Variants in FNDC3B observed in about 807,000 individuals in gnomAD.
FNDC3B encodes fibronectin type III domain-containing protein 3B.
In FNDC3B, 12 loss-of-function variants were observed where a neutral mutation model predicts 151.5. The ratio of observed to expected loss-of-function variants is 0.08; its 90% CI spans 0.05 to 0.13. The LOEUF (loss-of-function observed/expected upper bound fraction) is 0.13, where lower values mean the gene tolerates loss of function less well. Ranked by LOEUF, FNDC3B falls within the 10% of genes least tolerant of loss-of-function variation. The pLI is 1.00. For missense variants in FNDC3B, 1,214 were observed against 1,505.3 expected, an observed-to-expected ratio of 0.81 and a Z score of 3.20; for synonymous variants, 528 against 549.0, an observed-to-expected ratio of 0.96 and a Z score of 0.54.
intron 11 of FNDC3B, among the ~76,000 whole-genome samples, chr3:172,317,665 G>A (rs747891210): frequency 2.0e-5 from 3 of 152,316 alleles, no homozygotes; most frequent in East Asian, 1.9e-4. Flanking sequence ...GACAACAGCC[G>A]ATTCAGTGTA....
At position 172,295,363 on chromosome 3, in the gene FNDC3B, G is replaced by A; in HGVS notation, c.850G>A (p.Val284Ile). The change falls in exon 8 of 26, where the codon GTT becomes ATT. Residue 284 changes from valine (V) to isoleucine (I), a missense_variant and splice_region_variant. Physicochemically the swap from Val to Ile is conservative, Grantham distance 29 (BLOSUM62 3). Transcript: ENST00000415807. ...TTTGTCCCATGTTTTTCTTCCTCAG[G>A]TTTCTAATATTCAGGCAAGAGCAGT... ...DILSGIEKPQ[V>I]SNIQARAVVL... The A allele has an allele frequency of 6.2e-7, 1 of 1,600,814 alleles. No homozygotes were observed. The highest frequency in any genetic ancestry group is 8.5e-7 in the Non-Finnish European group (1 of 1,176,288).
chr3:172,131,048 T>TA (rs1310632972), intron 2 of FNDC3B, among the ~76,000 whole-genome samples: 1 of 152,202 alleles, frequency 6.6e-6, no homozygotes, highest in Non-Finnish European at 1.5e-5. Context: ...TATATTTATG[T>TA]AAAAATAAAT....
chr3:172,316,888 C>G (rs2108263949), intron 11 of FNDC3B, among the ~76,000 whole-genome samples: 3 of 152,364 alleles, frequency 2.0e-5, no homozygotes, highest in Admixed American at 2.0e-4. Flanking sequence ...AGATGTATTT[C>G]TTACAGTTCT....
intron 24 of FNDC3B, among the ~76,000 whole-genome samples, chr3:172,378,943 A>G (rs1735294801): frequency 6.6e-6 from 1 of 152,158 alleles, no homozygotes; most frequent in Non-Finnish European, 1.5e-5. Flanking sequence ...AAGGATGACT[A>G]CTTTCCTACT....
At chr3:172,396,708 G>A (rs572337638) in intron 25 of FNDC3B, among the ~76,000 whole-genome samples, 1 of 152,266 alleles carries the variant, frequency 6.6e-6, no homozygotes, top group East Asian at 1.9e-4. Flanking sequence ...GTGTATACGA[G>A]GGATCTAGGT....
intron 6 of FNDC3B, among the ~76,000 whole-genome samples, chr3:172,281,687 G>A (rs1324554798): frequency 6.6e-6 from 1 of 152,184 alleles, no homozygotes; most frequent in Admixed American, 6.5e-5. Flanking sequence ...TTGCATTTGT[G>A]CACTTCTGGG....
At chr3:172,313,588 C>T (rs923122120) in intron 11 of FNDC3B, among the ~76,000 whole-genome samples, 4 of 152,144 alleles carry the variant, frequency 2.6e-5, no homozygotes, top group African/African-American at 4.8e-5. Context: ...GGATCTGTGA[C>T]GTAGTAAAGA....
chr3:172,353,665 CAG>C (rs1431811815), intron 22 of FNDC3B, among the ~76,000 whole-genome samples: 1 of 152,174 alleles, frequency 6.6e-6, no homozygotes, highest in Non-Finnish European at 1.5e-5. Flanking sequence ...GAAAGCACCT[CAG>C]AGGATAGTTC....
intron 1 of FNDC3B, among the ~76,000 whole-genome samples, chr3:172,089,875 G>A (rs923207256): frequency 1.5e-4 from 23 of 152,284 alleles, no homozygotes; most frequent in African/African-American, 5.3e-4. Flanking sequence ...CTGAGGGAAT[G>A]AATTCCCAGG....
At chr3:172,085,947 T>C (rs937737452) in intron 1 of FNDC3B, among the ~76,000 whole-genome samples, 2 of 152,222 alleles carry the variant, frequency 1.3e-5, no homozygotes, top group African/African-American at 4.8e-5. Context: ...TAGAGAGCTT[T>C]TATTTTTCTG....
At chr3:172,061,474 C>T (rs1010492476) in intron 1 of FNDC3B, among the ~76,000 whole-genome samples, 3 of 152,044 alleles carry the variant, frequency 2.0e-5, no homozygotes, top group Admixed American at 2.0e-4. Context: ...CCTCGTGATC[C>T]TCCCGCCTCG....
chr3:172,362,438 T>A (rs1336020179), intron 22 of FNDC3B, among the ~76,000 whole-genome samples, 195 bp from the exon 23 acceptor site: 5 of 148,692 alleles, frequency 3.4e-5, no homozygotes, highest in South Asian at 4.3e-4. Flanking sequence ...ATTTTTTTTT[T>A]AAATGGAGAC....
At chr3:172,226,989 T>C in intron 4 of FNDC3B, 42 bp downstream of exon 4, 1 of 1,295,500 alleles carries the variant, frequency 7.7e-7, no homozygotes, top group Non-Finnish European at 1.1e-6. Flanking sequence ...ATGGACACTG[T>C]CGTTGCTCCA....
At chr3:172,385,620 G>A (rs368937934) in intron 25 of FNDC3B, among the ~76,000 whole-genome samples, 100 of 150,560 alleles carry the variant, frequency 6.6e-4, no homozygotes, top group Middle Eastern at 3.4e-3. Context: ...GCACAGTGGC[G>A]TGATCTCGGC....
At chr3:172,210,310 A>G (rs1263850180) in intron 3 of FNDC3B, among the ~76,000 whole-genome samples, 1 of 151,842 alleles carries the variant, frequency 6.6e-6, no homozygotes, top group South Asian at 2.1e-4. Flanking sequence ...AGATCATTGG[A>G]TTTTTCTTAA....
At chr3:172,242,374 G>T (rs1727542735) in intron 4 of FNDC3B, among the ~76,000 whole-genome samples, 1 of 151,554 alleles carries the variant, frequency 6.6e-6, no homozygotes, top group Non-Finnish European at 1.5e-5. Context: ...TACCCTAGCA[G>T]AGGTTCTCGA....
At chr3:172,145,467 TA>T (rs1721855966) in intron 3 of FNDC3B, among the ~76,000 whole-genome samples, 6 of 152,232 alleles carry the variant, frequency 3.9e-5, no homozygotes, top group Non-Finnish European at 8.8e-5. Context: ...TTATCTCATG[TA>T]AATGTCAAAC....
At chr3:172,130,324 T>C (rs1042005127) in intron 2 of FNDC3B, among the ~76,000 whole-genome samples, 4 of 152,200 alleles carry the variant, frequency 2.6e-5, no homozygotes, top group East Asian at 1.9e-4. Context: ...AAAATTGATA[T>C]TGGGACACAG....
intron 4 of FNDC3B, among the ~76,000 whole-genome samples, chr3:172,232,837 A>G (rs183565862): frequency 6.6e-6 from 1 of 152,184 alleles, no homozygotes; most frequent in African/African-American, 2.4e-5. Flanking sequence ...AAATTATTTC[A>G]CCACATATGT....
Sources: gnomAD v4.1 joint callset for allele counts (sites outside exome capture counted in the v4.1 genomes callset) on GRCh38, gnomAD v4.1.1 for gene constraint, MANE v1.5 for transcripts, NCBI Gene and HGNC (gene_info 2026-07-23, HGNC 2026-07-21) for gene names.